Variants in MPHOSPH9 observed in about 807,000 individuals in gnomAD.
The protein encoded by MPHOSPH9 is M-phase phosphoprotein 9.
A neutral mutation model predicts 145.5 loss-of-function variants in MPHOSPH9; 88 were observed. That is an observed-to-expected ratio of 0.60 (90% CI 0.51 to 0.72). MPHOSPH9 has a LOEUF of 0.72. Among genes scored for constraint, MPHOSPH9 ranks in the 30% least tolerant of loss-of-function variants. The pLI, the probability that MPHOSPH9 is intolerant of heterozygous loss-of-function variation, is 0.00. For synonymous variants in MPHOSPH9, 435 were observed against 486.2 expected, an observed-to-expected ratio of 0.89 and a Z score of 1.39; for missense variants, 1,238 against 1,386.6, an observed-to-expected ratio of 0.89 and a Z score of 1.70.
chr12:123,161,069 T>A (rs548068073), intron 22 of MPHOSPH9, 67 bp downstream of exon 22: 2 of 1,556,504 alleles, frequency 1.3e-6, no homozygotes. Flanking sequence ...ACTCAATAAT[T>A]CCCTTCTCCT....
intron 13 of MPHOSPH9, among the ~76,000 whole-genome samples, chr12:123,193,196 TG>T (rs1310620033): frequency 7.5e-6 from 1 of 132,860 alleles, no homozygotes; most frequent in Non-Finnish European, 1.5e-5. Context: ...TTGCAGCAAA[TG>T]GTGTAAGAAA....
intron 8 of MPHOSPH9, among the ~76,000 whole-genome samples, chr12:123,207,390 T>C (rs2046481991): frequency 1.3e-5 from 2 of 152,164 alleles, no homozygotes; most frequent in South Asian, 4.1e-4. Flanking sequence ...CTGTGTCTTT[T>C]TGTTCCTTTC....
chr12:123,185,718 C>T (rs1037324294), intron 13 of MPHOSPH9, among the ~76,000 whole-genome samples: 2 of 152,030 alleles, frequency 1.3e-5, no homozygotes, highest in Non-Finnish European at 2.9e-5. Flanking sequence ...TGTACTCCAG[C>T]CTGGGTGACA....
chr12:123,218,338 A>C, intron 6 of MPHOSPH9, 38 bp downstream of exon 6: 1 of 1,611,344 alleles, frequency 6.2e-7, no homozygotes, highest in Non-Finnish European at 8.5e-7. Flanking sequence ...CATAATCATC[A>C]GTACTGGAGC....
intron 16 of MPHOSPH9, among the ~76,000 whole-genome samples, chr12:123,168,151 T>C (rs2044395384): frequency 6.6e-6 from 1 of 152,042 alleles, no homozygotes; most frequent in South Asian, 2.1e-4. Context: ...ACACTCACGA[T>C]ACTTTCTCTC....
rs183088061 is a variant in MPHOSPH9 at position 123,191,803 on chromosome 12, C to G, written c.2241+2583G>C. ...CCAGTCTGACATGTCTCCCACTGGCCAAACTTGGGACACCATGAGTATCAA... is the reference window on the plus strand; with the variant it reads ...CCAGTCTGACATGTCTCCCACTGGCGAAACTTGGGACACCATGAGTATCAA... On this transcript the variant is annotated intron_variant, in intron 13 of 23. Transcript: ENST00000606320. 2.8e-3 allele frequency among the ~76,000 whole-genome samples: 423 copies of G among 152,258 alleles called. 1 individual carries two copies. Among genetic ancestry groups the G allele is most frequent in the Non-Finnish European group, 4.9e-3 (331 of 68,030 alleles).
chr12:123,175,592 C>T (rs1384094196), intron 16 of MPHOSPH9, among the ~76,000 whole-genome samples: 1 of 152,104 alleles, frequency 6.6e-6, no homozygotes, highest in African/African-American at 2.4e-5. Context: ...AAGCTCTTTC[C>T]TACCTGAGGA....
rs146336080 is a variant in MPHOSPH9 at position 123,162,123 on chromosome 12, T to A, written c.3125A>T (p.Asp1042Val). ...TTTTTAGGAAAAGATACCTTCCGAG[T>A]CATCTAGAGGAAGAAACTGGAGTTG... ...RKQLQFLPLD[D>V]SEEKTYSEKA... The change falls in exon 21 of 24, where the codon GAC becomes GTC. Residue 1042 changes from aspartate to valine, a missense_variant. Physicochemically the swap from Asp to Val is radical, Grantham distance 152. Around this residue, in one of 3 missense-constraint regions of MPHOSPH9, gnomAD observed 393 missense variants for 462.5 expected, o/e 0.85. Coordinates refer to ENST00000606320, the MANE Select transcript of MPHOSPH9 (RefSeq NM_022782.4). 4.9e-5 allele frequency: 77 copies of A among 1,555,830 alleles called. No homozygotes were observed. Among genetic ancestry groups the A allele is most frequent in the Non-Finnish European group, 6.6e-5 (75 of 1,144,808 alleles).
chr12:123,156,052 C>T lies in MPHOSPH9; in HGVS notation c.*755G>A, dbSNP rs1320849221. On this transcript the variant is annotated 3_prime_UTR_variant, in exon 24 of 24. Coordinates refer to ENST00000606320, the MANE Select transcript of MPHOSPH9 (RefSeq NM_022782.4). Reference sequence around the variant, plus strand: ...CTTGTATTTCAAAGGGTTTATCTGTCCATTTATTGTCCAGGGTGGGACACA... The same window carrying T: ...CTTGTATTTCAAAGGGTTTATCTGTTCATTTATTGTCCAGGGTGGGACACA... The T allele has an allele frequency of 6.6e-6, 1 of 152,172 alleles. No individual in the cohort carries two copies. Among genetic ancestry groups the T allele is most frequent in the Non-Finnish European group, 1.5e-5 (1 of 68,050 alleles). 9.4% of individuals were successfully genotyped at this position (152,172 alleles called of 1,614,324 possible). A position where few individuals can be genotyped will look rare whatever the true frequency, so the allele number is the denominator to read the frequency against.
At chr12:123,203,697 T>C (rs1028140409) in intron 8 of MPHOSPH9, among the ~76,000 whole-genome samples, 3 of 152,112 alleles carry the variant, frequency 2.0e-5, no homozygotes, top group Admixed American at 6.5e-5. Flanking sequence ...TTTCTGGGTT[T>C]CTTTGAGACA....
intron 6 of MPHOSPH9, among the ~76,000 whole-genome samples, chr12:123,217,692 AAAG>A (rs755927645): frequency 6.6e-6 from 1 of 152,098 alleles, no homozygotes; most frequent in Non-Finnish European, 1.5e-5. Flanking sequence ...CTAGCCTACT[AAAG>A]AAGAAACACT....
intron 3 of MPHOSPH9, among the ~76,000 whole-genome samples, chr12:123,224,185 A>G (rs572276323): frequency 1.9e-4 from 25 of 132,482 alleles, no homozygotes; most frequent in African/African-American, 7.0e-4. Context: ...CCCAGACTGG[A>G]GTGCAGTGGC....
chr12:123,218,249 A>G, intron 6 of MPHOSPH9, 127 bp downstream of exon 6: 1 of 1,377,152 alleles, frequency 7.3e-7, no homozygotes, highest in Admixed American at 2.4e-5. Flanking sequence ...ACAACAACAA[A>G]AAAAATGTAT....
chr12:123,168,670 C>T (rs759261517), intron 16 of MPHOSPH9, among the ~76,000 whole-genome samples: 1 of 150,926 alleles, frequency 6.6e-6, no homozygotes, highest in Non-Finnish European at 1.5e-5. Context: ...AACCAGCAAG[C>T]TTCAGTTCTC....
At position 123,188,154 on chromosome 12, in the gene MPHOSPH9, AAC is replaced by A. The variant is rs2045530493; in HGVS notation, c.2241+6230_2241+6231del. Among the ~76,000 whole-genome samples the A allele has an allele frequency of 5.9e-5, 9 of 152,232 alleles. No homozygotes were observed. In the South Asian group the frequency reaches 1.9e-3, roughly 32 times the overall value. On this transcript the variant is annotated intron_variant, in intron 13 of 23. Coordinates refer to ENST00000606320, the MANE Select transcript of MPHOSPH9 (RefSeq NM_022782.4). Reference sequence around the variant, plus strand: ...AAACAAACAAACAAAAAACACCCAAAACTTGTATCCCATAAAAATACCAAAAG... The same window carrying A: ...AAACAAACAAACAAAAAACACCCAAATTGTATCCCATAAAAATACCAAAAG...
chr12:123,193,124 C>T (rs1437473508), intron 13 of MPHOSPH9, among the ~76,000 whole-genome samples: 47 of 142,282 alleles, frequency 3.3e-4, no homozygotes, highest in East Asian at 1.8e-3. Flanking sequence ...CACACACACA[C>T]ACACACACAC....
chr12:123,211,234 C>T (rs1194458193), intron 7 of MPHOSPH9, among the ~76,000 whole-genome samples: 1 of 152,134 alleles, frequency 6.6e-6, no homozygotes, highest in Non-Finnish European at 1.5e-5. Flanking sequence ...ATCTGCCTGC[C>T]TCGGCCTCCC....
chr12:123,193,071 CA>C (rs768866302), intron 13 of MPHOSPH9, among the ~76,000 whole-genome samples: 176 of 29,568 alleles, frequency 6.0e-3, no homozygotes, highest in African/African-American at 0.016. Flanking sequence ...GATTGTCTTT[CA>C]AAAAAAAAAA....
intron 7 of MPHOSPH9, among the ~76,000 whole-genome samples, chr12:123,210,984 T>TC (rs2046681770): frequency 7.7e-6 from 1 of 129,312 alleles, no homozygotes; most frequent in Non-Finnish European, 1.6e-5. Flanking sequence ...TTTCTTTTTT[T>TC]TTTTTTTTTT....
Sources: allele counts gnomAD v4.1 joint callset (sites outside exome capture counted in the v4.1 genomes callset), GRCh38; gene constraint gnomAD v4.1.1; regional missense constraint gnomAD v4.1.1; transcripts MANE v1.5; gene names NCBI Gene and HGNC (gene_info 2026-07-23, HGNC 2026-07-21).